Variants in CSMD1 observed in about 807,000 individuals in gnomAD.
The protein encoded by CSMD1 is CUB and sushi domain-containing protein 1.
CSMD1 carries 213 observed loss-of-function variants against 417.5 expected under a neutral mutation model. That is an observed-to-expected ratio of 0.51 (90% CI 0.46 to 0.57). The LOEUF is 0.57. CSMD1 is among the 20% of genes least tolerant of loss of function. The pLI is 0.00. For synonymous variants in CSMD1, 2,862 were observed against 1,736.8 expected (o/e 1.65, Z -16.11); for missense variants, 6,923 against 4,529.7 (o/e 1.53, Z -15.17).
chr8:4,849,727 C>T (rs1801357241), intron 1 of CSMD1, among the ~76,000 whole-genome samples: 1 of 152,230 alleles, frequency 6.6e-6, no homozygotes, highest in East Asian at 1.9e-4. Context: ...CAGGCTATAC[C>T]ATACATCCTA....
intron 1 of CSMD1, among the ~76,000 whole-genome samples, chr8:4,777,052 C>T (rs573043644): frequency 3.3e-5 from 5 of 152,230 alleles, no homozygotes; most frequent in Non-Finnish European, 7.4e-5. Context: ...TGGTGAACTC[C>T]AGCCTGTATC....
At chr8:3,956,413 G>T (rs925510670) in intron 5 of CSMD1, among the ~76,000 whole-genome samples, 1 of 152,142 alleles carries the variant, frequency 6.6e-6, no homozygotes, top group Non-Finnish European at 1.5e-5. Context: ...TCTAACTGGA[G>T]GCATGTATGT....
chr8:3,190,469 T>G (rs1275548035), intron 33 of CSMD1, among the ~76,000 whole-genome samples: 1 of 152,214 alleles, frequency 6.6e-6, no homozygotes, highest in African/African-American at 2.4e-5. Flanking sequence ...CGATTACATT[T>G]AATCATCCTG....
At chr8:3,760,324 T>C (rs550899632) in intron 5 of CSMD1, among the ~76,000 whole-genome samples, 1 of 152,194 alleles carries the variant, frequency 6.6e-6, no homozygotes, top group Admixed American at 6.5e-5. Flanking sequence ...CAAATTCATT[T>C]CCTTCAGAGG....
In CSMD1 at chr8:4,993,637, A is replaced by G. The variant is rs79806690; in HGVS notation, c.85+695T>C. Among the ~76,000 whole-genome samples the G allele has an allele frequency of 2.2e-3, 328 of 152,286 alleles. 12 individuals carry two copies. In the East Asian group the frequency reaches 0.058, roughly 27 times the overall value. ...ATACCCGTGCGCCCACAGTGAATGT[A>G]TCTGACTTGGAAGCCGGTCCAGAAC... On this transcript the variant is annotated intron_variant, in intron 1 of 69. Transcript: ENST00000635120.
intron 26 of CSMD1, among the ~76,000 whole-genome samples, chr8:3,241,081 G>A (rs1345457461): frequency 1.3e-5 from 2 of 150,894 alleles, no homozygotes; most frequent in Non-Finnish European, 3.0e-5. Context: ...GGATACAAGA[G>A]GAGGACGCAA....
chr8:4,674,909 C>T (rs956197160), intron 1 of CSMD1, among the ~76,000 whole-genome samples: 1 of 152,086 alleles, frequency 6.6e-6, no homozygotes, highest in Non-Finnish European at 1.5e-5. Context: ...TGGCATTAGT[C>T]CCTTTATAAG....
chr8:3,793,999 C>A (rs528484063), intron 5 of CSMD1, among the ~76,000 whole-genome samples: 90 of 152,252 alleles, frequency 5.9e-4, no homozygotes, highest in African/African-American at 2.1e-3. Flanking sequence ...TTCCTGAACC[C>A]CTGCTTATCC....
At chr8:3,888,488 T>C (rs959595601) in intron 5 of CSMD1, among the ~76,000 whole-genome samples, 37 of 152,210 alleles carry the variant, frequency 2.4e-4, no homozygotes, top group African/African-American at 7.7e-4. Context: ...TGATTATCAT[T>C]AGCTCAAATG....
chr8:3,323,468 T>C (rs72507671), intron 23 of CSMD1, among the ~76,000 whole-genome samples: 6,982 of 152,136 alleles, frequency 0.046, 351 homozygotes, highest in East Asian at 0.21. Flanking sequence ...CTCTCTCACA[T>C]ACTCCACACC....
At chr8:4,048,180 T>C (rs1274739970) in intron 3 of CSMD1, among the ~76,000 whole-genome samples, 2 of 152,232 alleles carry the variant, frequency 1.3e-5, no homozygotes, top group African/African-American at 4.8e-5. Context: ...TTTTGGTTGT[T>C]GGTGCTGTAT....
chr8:4,211,269 C>G (rs1400727848), intron 3 of CSMD1, among the ~76,000 whole-genome samples: 1 of 151,732 alleles, frequency 6.6e-6, no homozygotes, highest in African/African-American at 2.4e-5. Flanking sequence ...GAAAGAAATC[C>G]AAAGATTGAT....
intron 11 of CSMD1, among the ~76,000 whole-genome samples, 196 bp downstream of exon 11, chr8:3,493,427 C>G (rs917891814): frequency 2.6e-5 from 4 of 151,636 alleles, no homozygotes; most frequent in Non-Finnish European, 4.4e-5. Context: ...ACAGTCGAAA[C>G]AGATAACACA....
intron 25 of CSMD1, among the ~76,000 whole-genome samples, chr8:3,291,137 T>C (rs1011576455): frequency 3.9e-5 from 6 of 152,110 alleles, no homozygotes; most frequent in African/African-American, 1.2e-4. Context: ...TTATTGATTT[T>C]CGTATGTTGA....
Position 3,408,220 on chromosome 8 carries a change from A to G in CSMD1, c.1750T>C (p.Cys584Arg). 2.5e-6 allele frequency: 4 copies of G among 1,596,446 alleles called. No homozygotes were observed. Among genetic ancestry groups the G allele is most frequent in the Non-Finnish European group, 2.6e-6 (3 of 1,169,248 alleles). Reference protein sequence around the residue: ...SGNKPSCVFSCFFNFTASSGI... With the variant: ...SGNKPSCVFSRFFNFTASSGI... ...GATGATGCCGTAAAGTTGAAGAAACATGAAACTGTGAAGATGCAAATATAT... is the reference window on the plus strand; with the variant it reads ...GATGATGCCGTAAAGTTGAAGAAACGTGAAACTGTGAAGATGCAAATATAT... Residue 584 changes from cysteine (C) to arginine (R), a missense_variant, in exon 14 of 70, where the codon TGT (cysteine) becomes CGT (arginine). By Grantham distance (180) the Cys-to-Arg change is radical. Coordinates refer to ENST00000635120, the MANE Select transcript of CSMD1 (RefSeq NM_033225.6).
chr8:3,018,253 T>C (rs771576858), intron 52 of CSMD1, among the ~76,000 whole-genome samples: 3 of 152,206 alleles, frequency 2.0e-5, no homozygotes, highest in Middle Eastern at 3.2e-3. Flanking sequence ...TCTTGCAAGA[T>C]TGCCTTTATG....
intron 12 of CSMD1, among the ~76,000 whole-genome samples, chr8:3,440,277 T>C (rs532864125): frequency 6.6e-6 from 1 of 152,218 alleles, no homozygotes; most frequent in Non-Finnish European, 1.5e-5. Context: ...TCCCAATACA[T>C]GAACATACTA....
At chr8:3,163,767 G>T (rs1820042358) in intron 37 of CSMD1, among the ~76,000 whole-genome samples, 1 of 152,142 alleles carries the variant, frequency 6.6e-6, no homozygotes, top group African/African-American at 2.4e-5. Context: ...CAAGGTCAAG[G>T]GAAACCCTGG....
At chr8:4,295,932 C>A (rs1435758047) in intron 3 of CSMD1, among the ~76,000 whole-genome samples, 1 of 151,460 alleles carries the variant, frequency 6.6e-6, no homozygotes, top group East Asian at 1.9e-4. Context: ...CTCAGGAACA[C>A]AGCATGTCCC....
Sources: allele counts gnomAD v4.1 joint callset (sites outside exome capture counted in the v4.1 genomes callset), GRCh38; gene constraint gnomAD v4.1.1; transcripts MANE v1.5; gene names NCBI Gene and HGNC (gene_info 2026-07-23, HGNC 2026-07-21).